The following CAST variants were observed in gnomAD, a reference collection of about 807,000 sequenced individuals.
CAST encodes the protein calpastatin.
In CAST, 76 loss-of-function variants were observed where a neutral mutation model predicts 119.6. The observed-to-expected ratio is 0.64, with a 90% CI of 0.53 to 0.77. The LOEUF is 0.77. Ranked by LOEUF, CAST falls within the 30% of genes least tolerant of loss-of-function variation. CAST has a pLI of 0.00. For missense variants in CAST, 953 were observed against 946.5 expected, an observed-to-expected ratio of 1.01 and a Z score of -0.09; for synonymous variants, 319 against 331.6, an observed-to-expected ratio of 0.96 and a Z score of 0.41.
the CAST span, among the ~76,000 whole-genome samples, chr5:95,993,530 C>G: frequency 6.6e-6 from 1 of 152,112 alleles, no homozygotes; most frequent in African/African-American, 2.4e-5. Flanking sequence ...ATGCACAAGA[C>G]AGCCCCTGCA....
intron 1 of CAST, among the ~76,000 whole-genome samples, chr5:96,622,740 C>T (rs1484376213): frequency 2.6e-5 from 4 of 151,142 alleles, no homozygotes; most frequent in African/African-American, 7.3e-5. Context: ...AGTCTTTTTA[C>T]ATATAAGAGA....
chr5:96,770,523 T>C lies in CAST; in HGVS notation c.2269-8T>C. 6.2e-7 allele frequency: 1 copy of C among 1,605,148 alleles called. No homozygotes were observed. The highest frequency in any genetic ancestry group is 8.5e-7 in the Non-Finnish European group (1 of 1,172,096). ...AGCCATAGCCTCATTACATTTCCTTTGCTTTAGGATAAGTGCAAGAAGGCT... is the reference window on the plus strand; with the variant it reads ...AGCCATAGCCTCATTACATTTCCTTCGCTTTAGGATAAGTGCAAGAAGGCT... On this transcript the variant is annotated splice_polypyrimidine_tract_variant and splice_region_variant and intron_variant, in intron 29 of 31. Coordinates refer to ENST00000675179, the MANE Select transcript of CAST (RefSeq NM_001750.7).
chr5:96,094,439 C>G, the CAST span, among the ~76,000 whole-genome samples: 1 of 148,338 alleles, frequency 6.7e-6, no homozygotes. Flanking sequence ...TTTTTTTTTC[C>G]TTTCTGGTCC....
At chr5:96,322,143 A>G in the CAST span, among the ~76,000 whole-genome samples, 4 of 152,062 alleles carry the variant, frequency 2.6e-5, no homozygotes, top group Non-Finnish European at 5.9e-5. Flanking sequence ...TGGTGTGCCC[A>G]ATTTATTTGG....
intron 1 of CAST, among the ~76,000 whole-genome samples, chr5:96,596,908 A>G (rs1747059281): frequency 6.6e-6 from 1 of 152,216 alleles, no homozygotes; most frequent in African/African-American, 2.4e-5. Context: ...TTCTCTGAGC[A>G]TGTGAGGAGA....
chr5:96,159,921 G>A, the CAST span, among the ~76,000 whole-genome samples: 204 of 151,160 alleles, frequency 1.3e-3, no homozygotes, highest in African/African-American at 4.7e-3. Context: ...ATCACTTGAG[G>A]TCAGTTCGAG....
chr5:96,232,366 A>G, the CAST span, among the ~76,000 whole-genome samples: 5 of 152,136 alleles, frequency 3.3e-5, no homozygotes, highest in Non-Finnish European at 7.4e-5. Context: ...GTCCTAGTTA[A>G]CAAAATAACA....
the CAST span, among the ~76,000 whole-genome samples, chr5:96,060,049 G>A: frequency 0.036 from 5,469 of 152,188 alleles, 184 homozygotes; most frequent in East Asian, 0.16. Context: ...TAGCAGCTGT[G>A]TCAGATGTGG....
At chr5:96,350,613 G>A in the CAST span, among the ~76,000 whole-genome samples, 2 of 152,048 alleles carry the variant, frequency 1.3e-5, no homozygotes, top group South Asian at 2.1e-4. Flanking sequence ...AAATAAAATA[G>A]GAGGCAGGTT....
intron 1 of CAST, among the ~76,000 whole-genome samples, chr5:96,672,428 G>A (rs1461261301): frequency 6.6e-6 from 1 of 152,172 alleles, no homozygotes; most frequent in African/African-American, 2.4e-5. Flanking sequence ...ATAGGAACTG[G>A]GCCGGGAGCG....
intron 22 of CAST, 143 bp downstream of exon 22, chr5:96,754,884 A>G: frequency 5.4e-6 from 3 of 555,386 alleles, no homozygotes. Context: ...GTCTACTACT[A>G]ATAGTGTTAG....
At chr5:96,343,784 G>A in the CAST span, among the ~76,000 whole-genome samples, 1 of 152,102 alleles carries the variant, frequency 6.6e-6, no homozygotes. Context: ...TACAAATGTT[G>A]ATGTCTTCAA....
At chr5:96,692,162 A>G (rs933905222) in intron 2 of CAST, among the ~76,000 whole-genome samples, 1 of 152,142 alleles carries the variant, frequency 6.6e-6, no homozygotes, top group Non-Finnish European at 1.5e-5. Context: ...CAGCCCTATC[A>G]CTAGTTAGTG....
chr5:96,155,634 C>T, the CAST span, among the ~76,000 whole-genome samples: 10 of 152,122 alleles, frequency 6.6e-5, no homozygotes, highest in Non-Finnish European at 1.2e-4. Context: ...CTGCATTTTC[C>T]TACGTTCTCA....
At chr5:96,525,466 G>A (rs966213037), upstream of CAST, 4 of 152,092 alleles carry the variant, frequency 2.6e-5, no homozygotes, top group African/African-American at 9.7e-5. Context: ...AAAACAGTGG[G>A]TTACGAGGAA....
intron 1 of CAST, among the ~76,000 whole-genome samples, chr5:96,562,933 C>CT (rs1746406047): frequency 6.6e-6 from 1 of 152,072 alleles, no homozygotes; most frequent in Admixed American, 6.6e-5. Flanking sequence ...TTTCTCTGAA[C>CT]TTTTCCTGCC....
At chr5:96,644,272 T>A (rs1747990784) in intron 1 of CAST, among the ~76,000 whole-genome samples, 1 of 152,234 alleles carries the variant, frequency 6.6e-6, no homozygotes, top group South Asian at 2.1e-4. Context: ...TGAAAGTCTG[T>A]CATTTAAATT....
chr5:96,235,976 G>C, the CAST span, among the ~76,000 whole-genome samples: 2,975 of 152,282 alleles, frequency 0.02, 102 homozygotes, highest in African/African-American at 0.068. Flanking sequence ...ATGAGAAAAT[G>C]CTGTAAAGAT....
At chr5:96,742,344 T>C (rs1485759768) in intron 15 of CAST, 2 of 205,854 alleles carry the variant, frequency 9.7e-6, no homozygotes, top group Non-Finnish European at 1.9e-5. Flanking sequence ...TGCTTCTTTT[T>C]TTTTTGTTTG....
Sources: allele counts gnomAD v4.1 joint callset (sites outside exome capture counted in the v4.1 genomes callset), GRCh38; gene constraint gnomAD v4.1.1; transcripts MANE v1.5; gene names NCBI Gene and HGNC (gene_info 2026-07-23, HGNC 2026-07-21).